Variants in APOBEC3B observed in about 807,000 individuals in gnomAD.
APOBEC3B encodes apolipoprotein B mRNA editing enzyme catalytic subunit 3B.
Under a neutral mutation model 53.4 loss-of-function variants are expected in APOBEC3B, and 29 were observed. That is an observed-to-expected ratio of 0.54 (90% CI 0.40 to 0.74). The LOEUF is 0.74. Ranked by LOEUF, APOBEC3B falls within the 30% of genes least tolerant of loss-of-function variation. The pLI is 0.00. For synonymous variants in APOBEC3B, 132 were observed against 184.8 expected (o/e 0.71, Z 2.32); for missense variants, 347 against 496.2 (o/e 0.70, Z 2.86).
intron 1 of APOBEC3B, among the ~76,000 whole-genome samples, chr22:38,982,910 C>T (rs1227619051): frequency 4.0e-5 from 6 of 148,570 alleles, no homozygotes; most frequent in South Asian, 2.2e-4. Flanking sequence ...GGAGAGGGTG[C>T]GGGGGTAGGA....
Position 38,987,296 on chromosome 22 carries a change from C to T in APOBEC3B, c.569+884C>T, listed in dbSNP as rs369627560. Among the ~76,000 whole-genome samples, 8 of 147,730 alleles carry T rather than the reference C, an allele frequency of 5.4e-5. 2 individuals carry two copies. The East Asian group carries it at 1.4e-3, about 26-fold the overall frequency. On this transcript the variant is annotated intron_variant, in intron 4 of 7. Coordinates refer to ENST00000333467, the MANE Select transcript of APOBEC3B (RefSeq NM_004900.5). ...CCCAGCCCCAGCCCTGGGCTCTCTCCCCTCCTGTTCCTCTGCCACCCCCAC... is the reference window on the plus strand; with the variant it reads ...CCCAGCCCCAGCCCTGGGCTCTCTCTCCTCCTGTTCCTCTGCCACCCCCAC...
intron 7 of APOBEC3B, 60 bp from the exon 8 acceptor site, chr22:38,992,371 C>T: frequency 6.3e-7 from 1 of 1,578,280 alleles, no homozygotes; most frequent in East Asian, 2.3e-5. Context: ...CAGGCCACCT[C>T]CCTGTGCCCT....
At position 38,992,017 on chromosome 22, in the gene APOBEC3B, C is replaced by A. The variant is rs1212429708; in HGVS notation, c.1019-17C>A. On this transcript the variant is annotated splice_polypyrimidine_tract_variant and intron_variant, in intron 6 of 7. Transcript: ENST00000333467. ...CCCACAACAGGAGCGTGACTTATCT[C>A]CCCTGTCCCTTTTCAGAGTTTGAGT... 1.5e-5 allele frequency: 24 copies of A among 1,567,360 alleles called. 1 individual carries two copies. Among genetic ancestry groups the A allele is most frequent in the Non-Finnish European group, 2.1e-5 (24 of 1,158,784 alleles).
In APOBEC3B at chr22:38,991,967, C is replaced by T; in HGVS notation, c.1019-67C>T. 2.7e-6 allele frequency: 4 copies of T among 1,484,490 alleles called. 1 individual carries two copies. The South Asian group carries it at 5.5e-5, about 20-fold the overall frequency. The allele number at this position is 1,484,490 out of a possible 1,614,324, so 92.0% of individuals were successfully genotyped here. A position where few individuals can be genotyped will look rare whatever the true frequency, so the allele number is the denominator to read the frequency against. Reference sequence around the variant, plus strand: ...GATGTGGGAAGTCTGTCCTGAGAGTCATGGGCCCTTGGTGCTGCCCCCTCC... The same window carrying T: ...GATGTGGGAAGTCTGTCCTGAGAGTTATGGGCCCTTGGTGCTGCCCCCTCC... On this transcript the variant is annotated intron_variant, in intron 6 of 7. Transcript: ENST00000333467.
rs769240888 is a variant in APOBEC3B at position 38,987,505 on chromosome 22, T to A, written c.569+1093T>A. 6.0e-5 allele frequency among the ~76,000 whole-genome samples: 9 copies of A among 148,838 alleles called. 1 individual carries two copies. The highest frequency in any genetic ancestry group is 1.0e-4 in the Non-Finnish European group (7 of 67,310). ...TATGCTTCCCACCATTCCTGAGCTC[T>A]GGAACTGGGAGAATTGAACCAAAGG... On this transcript the variant is annotated intron_variant, in intron 4 of 7. Transcript: ENST00000333467.
At position 38,983,448 on chromosome 22, in the gene APOBEC3B, A is replaced by G. The variant is rs1246545620; in HGVS notation, c.18-627A>G. ...GCCCAGTCCCCAACAGCTTTCTCCT[A>G]CAGGATCCGTGATGCAGAGGCTGGA... On this transcript the variant is annotated intron_variant, in intron 1 of 7. Transcript: ENST00000333467. 3.4e-5 allele frequency among the ~76,000 whole-genome samples: 5 copies of G among 149,112 alleles called. 1 individual carries two copies. The highest frequency in any genetic ancestry group is 7.4e-5 in the Non-Finnish European group (5 of 67,384).
intron 5 of APOBEC3B, 57 bp downstream of exon 5, chr22:38,989,667 T>C (rs865775326): frequency 1.6e-5 from 24 of 1,471,114 alleles, no homozygotes; most frequent in Non-Finnish European, 1.9e-5. Context: ...GGGACACTCA[T>C]AGATAGAAGG....
Position 38,992,681 on chromosome 22 carries a change from C to A in APOBEC3B, c.*236C>A. 8.4e-7 allele frequency: 1 copy of A among 1,195,540 alleles called. No homozygotes were observed. The highest frequency in any genetic ancestry group is 1.2e-6 in the Non-Finnish European group (1 of 867,326). The allele number at this position is 1,195,540 out of a possible 1,614,324, so 74.1% of individuals were successfully genotyped here. On this transcript the variant is annotated 3_prime_UTR_variant, in exon 8 of 8. Transcript: ENST00000333467. ...AAGAGTAAGATTATGCTCAATATTC[C>A]CAGAATAGTTTTCAATGTATTAATG...
chr22:38,985,917 T>C lies in APOBEC3B; in HGVS notation c.280T>C (p.Trp94Arg). Residue 94 changes from tryptophan to arginine, a missense_variant, in exon 3 of 8, where the codon TGG becomes CGG. This residue lies in a region of APOBEC3B where 20 missense variants were observed against 50.9 expected (regional missense o/e 0.39). Transcript: ENST00000333467. ...TTTCCAGATCACCTGGTTTGTATCC[T>C]GGACCCCCTGCCCGGACTGTGTGGC... ...KCFQITWFVS[W>R]TPCPDCVAKL... The C allele has an allele frequency of 6.2e-7, 1 of 1,601,608 alleles. No homozygotes were observed. Among genetic ancestry groups the C allele is most frequent in the South Asian group, 1.1e-5 (1 of 89,636 alleles).
At position 38,992,639 on chromosome 22, in the gene APOBEC3B, T is replaced by G; in HGVS notation, c.*194T>G. ...AATTAATTTTAATTGAAAATTTCTC[T>G]TATGTTCCAAGTGTACAAGAGTAAG... is the stretch of plus-strand genomic sequence containing the variant. On this transcript the variant is annotated 3_prime_UTR_variant, in exon 8 of 8. Coordinates refer to ENST00000333467, the MANE Select transcript of APOBEC3B (RefSeq NM_004900.5). 1 of 1,445,392 alleles carries G rather than the reference T, an allele frequency of 6.9e-7. No individual in the cohort carries two copies. Among genetic ancestry groups the G allele is most frequent in the East Asian group, 2.5e-5 (1 of 40,298 alleles). 89.5% of individuals were successfully genotyped at this position (1,445,392 alleles called of 1,614,324 possible). A position where few individuals can be genotyped will look rare whatever the true frequency, so the allele number is the denominator to read the frequency against.
chr22:38,983,181 A>G (rs28441298), intron 1 of APOBEC3B, among the ~76,000 whole-genome samples: 5,974 of 147,978 alleles, frequency 0.04, 651 homozygotes, highest in African/African-American at 0.14. Context: ...TTAGCCAGGC[A>G]TGGTGGCGCA....
chr22:38,983,612 T>C (rs1923617452), intron 1 of APOBEC3B, among the ~76,000 whole-genome samples: 1 of 148,962 alleles, frequency 6.7e-6, no homozygotes, highest in Admixed American at 6.9e-5. Context: ...TAGCCTCACG[T>C]GAGCTCACAC....
rs1289844767 is a variant in APOBEC3B, at chr22:38,989,624, C to T, written c.723+14C>T. On this transcript the variant is annotated intron_variant, in intron 5 of 7. Transcript: ENST00000333467. ...CTATGCAACGAGGTGACCGACCCAGCCACCTGCATCCAGGCAGGGCCCTCC... is the reference window on the plus strand; with the variant it reads ...CTATGCAACGAGGTGACCGACCCAGTCACCTGCATCCAGGCAGGGCCCTCC... The T allele has an allele frequency of 6.4e-7, 1 of 1,553,370 alleles. No homozygotes were observed.
chr22:38,992,541 C>A lies in APOBEC3B; in HGVS notation c.*96C>A, dbSNP rs1029391683. On this transcript the variant is annotated 3_prime_UTR_variant, in exon 8 of 8. Coordinates refer to ENST00000333467, the MANE Select transcript of APOBEC3B (RefSeq NM_004900.5). ...GAAATGCAAACAGACCGTTCACCAC[C>A]ATCTCCAGCTGCTCACAGACACCAG... is the stretch of plus-strand genomic sequence containing the variant. 18 of 1,605,236 alleles carry A rather than the reference C, an allele frequency of 1.1e-5. No homozygotes were observed. Among genetic ancestry groups the A allele is most frequent in the Non-Finnish European group, 1.4e-5 (16 of 1,173,528 alleles).
chr22:38,992,698 G>A lies in APOBEC3B; in HGVS notation c.*253G>A. 9.3e-7 allele frequency: 1 copy of A among 1,070,268 alleles called. No homozygotes were observed. The highest frequency in any genetic ancestry group is 1.3e-6 in the Non-Finnish European group (1 of 756,328). The allele number at this position is 1,070,268 out of a possible 1,614,324, so 66.3% of individuals were successfully genotyped here. A position where few individuals can be genotyped will look rare whatever the true frequency, so the allele number is the denominator to read the frequency against. ...CAATATTCCCAGAATAGTTTTCAAT[G>A]TATTAATGAAGTGATTAATTGGCTC... On this transcript the variant is annotated 3_prime_UTR_variant, in exon 8 of 8. Transcript: ENST00000333467.
At position 38,982,388 on chromosome 22, in the gene APOBEC3B, G is replaced by A; in HGVS notation, c.-66G>A. ...TCCAACTGCAAGGACGCTGTAAGCA[G>A]GAAGTGAAACCACAGAGCTTCAAAA... On this transcript the variant is annotated 5_prime_UTR_variant, in exon 1 of 8. Coordinates refer to ENST00000333467, the MANE Select transcript of APOBEC3B (RefSeq NM_004900.5). 6.3e-7 allele frequency: 1 copy of A among 1,582,934 alleles called. No individual in the cohort carries two copies. The highest frequency in any genetic ancestry group is 8.6e-7 in the Non-Finnish European group (1 of 1,163,790).
Position 38,989,686 on chromosome 22 carries a change from G to A in APOBEC3B, c.723+76G>A, listed in dbSNP as rs1329094262. 22 of 1,350,024 alleles carry A rather than the reference G, an allele frequency of 1.6e-5. 1 individual carries two copies. Among genetic ancestry groups the A allele is most frequent in the Non-Finnish European group, 7.9e-6 (8 of 1,014,088 alleles). 83.6% of individuals were successfully genotyped at this position (1,350,024 alleles called of 1,614,324 possible). A position where few individuals can be genotyped will look rare whatever the true frequency, so the allele number is the denominator to read the frequency against. On this transcript the variant is annotated intron_variant, in intron 5 of 7. Coordinates refer to ENST00000333467, the MANE Select transcript of APOBEC3B (RefSeq NM_004900.5). ...CACTCATAGATAGAAGGTTCTGGGT[G>A]GTGCCTGTGGTTTCCTGCAGTGTTT...
At position 38,986,064 on chromosome 22, in the gene APOBEC3B, G is replaced by A; in HGVS notation, c.427G>A (p.Ala143Thr). The A allele has an allele frequency of 6.3e-7, 1 of 1,592,550 alleles. No homozygotes were observed. The highest frequency in any genetic ancestry group is 8.5e-7 in the Non-Finnish European group (1 of 1,172,568). Residue 143 changes from alanine to threonine, a missense_variant, in exon 3 of 8, where the codon GCC (alanine) becomes ACC (threonine). Transcript: ENST00000333467. ...GCTCTGCAGGCTGAGTCAGGCAGGA[G>A]CCCGCGTGACGATCATGGACTATGA... ...RALCRLSQAG[A>T]RVTIMDYEEF...
chr22:38,991,722 A>G, intron 6 of APOBEC3B, 96 bp downstream of exon 6: 1 of 1,358,196 alleles, frequency 7.4e-7, no homozygotes, highest in African/African-American at 1.4e-5. Context: ...GCCTGCAGAA[A>G]CGATGGCTGG....
Sources: allele counts gnomAD v4.1 joint callset (sites outside exome capture counted in the v4.1 genomes callset), GRCh38; gene constraint gnomAD v4.1.1; regional missense constraint gnomAD v4.1.1; transcripts MANE v1.5; gene names NCBI Gene and HGNC (gene_info 2026-07-23, HGNC 2026-07-21).